The following ZFAT variants were observed in gnomAD, a reference collection of about 807,000 sequenced individuals.
The protein encoded by ZFAT is zinc finger protein ZFAT.
In ZFAT, 64 loss-of-function variants were observed where a neutral mutation model predicts 117.7. The ratio of observed to expected loss-of-function variants is 0.54; its 90% CI spans 0.44 to 0.67. The LOEUF is 0.67. Ranked by LOEUF, ZFAT falls within the 30% of genes least tolerant of loss-of-function variation. The pLI, the probability that ZFAT is intolerant of heterozygous loss-of-function variation, is 0.00. For missense variants in ZFAT, 1,433 were observed against 1,584.5 expected (o/e 0.90, Z 1.62); for synonymous variants, 679 against 615.0 (o/e 1.10, Z -1.54).
chr8:134,712,271 G>A (rs971948114), intron 1 of ZFAT, among the ~76,000 whole-genome samples: 1 of 152,190 alleles, frequency 6.6e-6, no homozygotes, highest in African/African-American at 2.4e-5. Flanking sequence ...GTTCTCAAGA[G>A]AGCTGAGCAG....
chr8:134,782,457 T>C, the ZFAT span, among the ~76,000 whole-genome samples: 1 of 152,212 alleles, frequency 6.6e-6, no homozygotes, highest in African/African-American at 2.4e-5. Flanking sequence ...CAAGGCCTGT[T>C]TCTGACTTTC....
At chr8:134,626,227 T>C (rs1285524288) in intron 3 of ZFAT, among the ~76,000 whole-genome samples, 1 of 151,996 alleles carries the variant, frequency 6.6e-6, no homozygotes, top group Non-Finnish European at 1.5e-5. Flanking sequence ...GGACTGGAGG[T>C]TTGAATTCAC....
At chr8:134,547,128 C>T (rs1240081187) in intron 11 of ZFAT, among the ~76,000 whole-genome samples, 2 of 152,266 alleles carry the variant, frequency 1.3e-5, no homozygotes, top group Non-Finnish European at 2.9e-5. Flanking sequence ...CGAAGTTAAG[C>T]GGCTTGCTGA....
At chr8:134,803,910 C>A in the ZFAT span, among the ~76,000 whole-genome samples, 1 of 152,020 alleles carries the variant, frequency 6.6e-6, no homozygotes, top group Non-Finnish European at 1.5e-5. Context: ...GTGGTTTAAT[C>A]ATGTATGGAA....
At chr8:134,542,853 A>ACTG (rs534900663) in intron 11 of ZFAT, among the ~76,000 whole-genome samples, 1 of 152,218 alleles carries the variant, frequency 6.6e-6, no homozygotes, top group Non-Finnish European at 1.5e-5. Flanking sequence ...ACATGCAGTT[A>ACTG]CTGCACAGAA....
chr8:134,733,794 T>C, the ZFAT span, among the ~76,000 whole-genome samples: 1 of 152,238 alleles, frequency 6.6e-6, no homozygotes, highest in Non-Finnish European at 1.5e-5. Flanking sequence ...CTTGATGGCT[T>C]GAGGGATGTT....
At chr8:134,677,735 A>C (rs1213508751) in intron 1 of ZFAT, among the ~76,000 whole-genome samples, 1 of 152,228 alleles carries the variant, frequency 6.6e-6, no homozygotes, top group Non-Finnish European at 1.5e-5. Context: ...GCAGCACATC[A>C]AAAAGCTTGT....
chr8:134,765,690 T>C, the ZFAT span: 1 of 147,464 alleles, frequency 6.8e-6, no homozygotes, highest in African/African-American at 2.5e-5. Flanking sequence ...ACCACCAACA[T>C]TGCACTTATG....
chr8:134,698,558 C>T lies in ZFAT; in HGVS notation c.19+14287G>A, dbSNP rs191258406. Among the ~76,000 whole-genome samples, 42 of 152,312 alleles carry T rather than the reference C, an allele frequency of 2.8e-4. No individual in the cohort carries two copies. The East Asian group carries it at 3.9e-3, about 14-fold the overall frequency. On this transcript the variant is annotated intron_variant, in intron 1 of 15. Coordinates refer to ENST00000377838, the MANE Select transcript of ZFAT (RefSeq NM_020863.4). ...GTTCCTTGCATCCAAGAATTCCAAA[C>T]ACCATGCCCCACACAAATCGCTCAT...
At chr8:134,809,001 C>CT in the ZFAT span, among the ~76,000 whole-genome samples, 235 of 152,374 alleles carry the variant, frequency 1.5e-3, 5 homozygotes, top group Admixed American at 0.012. Flanking sequence ...TCTGTCACCT[C>CT]TAACAGGAGC....
At chr8:134,480,133 T>G (rs550890798) in intron 15 of ZFAT, among the ~76,000 whole-genome samples, 1 of 152,080 alleles carries the variant, frequency 6.6e-6, no homozygotes, top group East Asian at 1.9e-4. Flanking sequence ...AATGAATTTT[T>G]GTATTTTTGG....
At chr8:134,674,420 C>T (rs987182658) in intron 1 of ZFAT, among the ~76,000 whole-genome samples, 6 of 152,192 alleles carry the variant, frequency 3.9e-5, no homozygotes, top group Admixed American at 3.3e-4. Flanking sequence ...GGGGAAGGGG[C>T]ATCCATCATT....
At chr8:134,497,075 C>T (rs1265240199) in intron 15 of ZFAT, among the ~76,000 whole-genome samples, 7 of 152,314 alleles carry the variant, frequency 4.6e-5, no homozygotes, top group South Asian at 4.1e-4. Context: ...ACAGTCAGCA[C>T]GGGCGGGGTA....
intron 11 of ZFAT, among the ~76,000 whole-genome samples, chr8:134,540,023 CTG>C (rs1184556812): frequency 1.3e-5 from 2 of 152,202 alleles, no homozygotes; most frequent in African/African-American, 4.8e-5. Flanking sequence ...AAGAGTATGA[CTG>C]TGCTTTGAGA....
chr8:134,555,059 T>G (rs1462454150), intron 11 of ZFAT, among the ~76,000 whole-genome samples: 5 of 152,132 alleles, frequency 3.3e-5, no homozygotes, highest in African/African-American at 1.2e-4. Context: ...TACAATTTAT[T>G]ATAGTAAAAG....
At chr8:134,749,880 G>A in the ZFAT span, among the ~76,000 whole-genome samples, 1 of 152,090 alleles carries the variant, frequency 6.6e-6, no homozygotes, top group African/African-American at 2.4e-5. Flanking sequence ...ACTACTTGCA[G>A]CCTGTTTTTA....
At chr8:134,496,550 T>C (rs1443707525) in intron 15 of ZFAT, among the ~76,000 whole-genome samples, 3 of 152,178 alleles carry the variant, frequency 2.0e-5, no homozygotes, top group African/African-American at 7.2e-5. Context: ...CCAGGGCAAC[T>C]GGGCCCCACT....
At chr8:134,623,993 C>T (rs1240769127) in intron 3 of ZFAT, among the ~76,000 whole-genome samples, 1 of 152,122 alleles carries the variant, frequency 6.6e-6, no homozygotes, top group East Asian at 1.9e-4. Context: ...CTGCCCAGCC[C>T]ACTACACTCT....
intron 9 of ZFAT, among the ~76,000 whole-genome samples, 192 bp downstream of exon 9, chr8:134,588,054 T>C (rs1586760745): frequency 3.3e-5 from 5 of 152,316 alleles, no homozygotes; most frequent in African/African-American, 1.2e-4. Context: ...CCTCTATTCA[T>C]TGCAATTGCA....
Sources: allele counts gnomAD v4.1 joint callset (sites outside exome capture counted in the v4.1 genomes callset), GRCh38; gene constraint gnomAD v4.1.1; transcripts MANE v1.5; gene names NCBI Gene and HGNC (gene_info 2026-07-23, HGNC 2026-07-21).